The following JMJD1C variants were observed in gnomAD, a reference collection of about 807,000 sequenced individuals.
JMJD1C encodes jumonji domain containing 1C, also known as jumonji domain-containing protein 1C.
JMJD1C carries 31 observed loss-of-function variants against 245.3 expected under a neutral mutation model. The ratio of observed to expected loss-of-function variants is 0.13; its 90% CI spans 0.09 to 0.17. The LOEUF is 0.17. JMJD1C is among the 10% of genes least tolerant of loss of function. The pLI is 1.00. For missense variants in JMJD1C, 2,691 were observed against 3,000.2 expected (o/e 0.90, Z 2.41); for synonymous variants, 1,057 against 1,017.4 (o/e 1.04, Z -0.74).
chr10:63,370,821 T>C (rs898281582), intron 2 of JMJD1C, among the ~76,000 whole-genome samples: 23 of 152,196 alleles, frequency 1.5e-4, no homozygotes, highest in African/African-American at 5.6e-4. Flanking sequence ...AATAACTCAT[T>C]TGAAGAAGAC....
chr10:63,433,971 A>G (rs746412188), intron 1 of JMJD1C, among the ~76,000 whole-genome samples: 17 of 152,188 alleles, frequency 1.1e-4, no homozygotes, highest in Non-Finnish European at 2.5e-4. Context: ...ACTAGGAATC[A>G]TTTCAGTTAC....
rs960342759 is a variant in JMJD1C at position 63,269,102 on chromosome 10, G to T, written c.334-4338C>A. 5 of 985,312 alleles carry T rather than the reference G, an allele frequency of 5.1e-6. No homozygotes were observed. The African/African-American group carries it at 8.7e-5, about 17-fold the overall frequency. 61.0% of individuals were successfully genotyped at this position (985,312 alleles called of 1,614,324 possible). Reference sequence around the variant, plus strand: ...TCGAGGTCGCTTACATAACCAGTAAGATACTCCAAATAAAGAGAACAGCCA... The same window carrying T: ...TCGAGGTCGCTTACATAACCAGTAATATACTCCAAATAAAGAGAACAGCCA... On this transcript the variant is annotated intron_variant, in intron 2 of 25. Coordinates refer to ENST00000399262, the MANE Select transcript of JMJD1C (RefSeq NM_032776.3).
At chr10:63,496,072 C>T (rs982303412) in intron 1 of JMJD1C, among the ~76,000 whole-genome samples, 1 of 146,160 alleles carries the variant, frequency 6.8e-6, no homozygotes, top group Admixed American at 6.8e-5. Context: ...AAACCTCAAA[C>T]CTAAATATGA....
intron 1 of JMJD1C, among the ~76,000 whole-genome samples, chr10:63,392,141 TA>T (rs1397970989): frequency 6.6e-6 from 1 of 152,194 alleles, no homozygotes; most frequent in Non-Finnish European, 1.5e-5. Flanking sequence ...ACCATTTTGA[TA>T]ATTGGTATGT....
intron 2 of JMJD1C, among the ~76,000 whole-genome samples, chr10:63,333,344 T>C (rs1207724440): frequency 2.0e-5 from 3 of 151,990 alleles, no homozygotes; most frequent in Non-Finnish European, 2.9e-5. Flanking sequence ...CCCTTGAACT[T>C]AGGAGTTGGA....
chr10:63,367,456 G>T (rs1945945998), intron 2 of JMJD1C, among the ~76,000 whole-genome samples: 1 of 151,908 alleles, frequency 6.6e-6, no homozygotes, highest in Non-Finnish European at 1.5e-5. Context: ...ATGTTGGTCG[G>T]GCTGGTCTCA....
At chr10:63,330,475 T>C (rs1424609207) in intron 2 of JMJD1C, among the ~76,000 whole-genome samples, 1 of 152,198 alleles carries the variant, frequency 6.6e-6, no homozygotes, top group Non-Finnish European at 1.5e-5. Flanking sequence ...TATTCATGAT[T>C]TTAAATTTTA....
At chr10:63,277,171 G>A (rs923542198) in intron 2 of JMJD1C, among the ~76,000 whole-genome samples, 7 of 151,692 alleles carry the variant, frequency 4.6e-5, no homozygotes, top group East Asian at 1.9e-4. Flanking sequence ...ATGAGCCACC[G>A]TGCCTGGCCA....
At chr10:63,229,568 T>C (rs983566998) in intron 3 of JMJD1C, among the ~76,000 whole-genome samples, 6 of 152,046 alleles carry the variant, frequency 3.9e-5, no homozygotes, top group African/African-American at 1.4e-4. Flanking sequence ...TGCAACTAGA[T>C]GAGACAAATT....
chr10:63,474,371 A>G (rs1953593047), intron 1 of JMJD1C, among the ~76,000 whole-genome samples: 1 of 152,212 alleles, frequency 6.6e-6, no homozygotes, highest in African/African-American at 2.4e-5. Context: ...GTGTTTTAGG[A>G]TGAGAGAGAT....
At chr10:63,300,428 T>A (rs1263101680) in intron 2 of JMJD1C, among the ~76,000 whole-genome samples, 1 of 152,238 alleles carries the variant, frequency 6.6e-6, no homozygotes, top group African/African-American at 2.4e-5. Context: ...GGAAATGGTA[T>A]TATTGTTTCA....
chr10:63,231,408 A>C (rs1849971221), intron 3 of JMJD1C, among the ~76,000 whole-genome samples: 1 of 152,158 alleles, frequency 6.6e-6, no homozygotes, highest in African/African-American at 2.4e-5. Flanking sequence ...ACAATCAAAA[A>C]CACTGATTAG....
At chr10:63,288,268 G>A (rs764150698) in intron 2 of JMJD1C, among the ~76,000 whole-genome samples, 1 of 152,054 alleles carries the variant, frequency 6.6e-6, no homozygotes, top group Non-Finnish European at 1.5e-5. Context: ...TTTTCAGATT[G>A]GCTTCTCTCA....
At chr10:63,353,695 T>C (rs904497433) in intron 2 of JMJD1C, among the ~76,000 whole-genome samples, 4 of 151,792 alleles carry the variant, frequency 2.6e-5, no homozygotes, top group African/African-American at 7.3e-5. Context: ...TTAGTAGAGA[T>C]GGGGTTTAAC....
At chr10:63,495,766 A>G (rs1361359625) in intron 1 of JMJD1C, among the ~76,000 whole-genome samples, 1 of 151,762 alleles carries the variant, frequency 6.6e-6, no homozygotes, top group African/African-American at 2.4e-5. Flanking sequence ...AAAAAAAAAA[A>G]AAGAAGAAGA....
At chr10:63,372,732 G>A (rs913096037) in intron 2 of JMJD1C, among the ~76,000 whole-genome samples, 2 of 152,204 alleles carry the variant, frequency 1.3e-5, no homozygotes, top group African/African-American at 4.8e-5. Context: ...ACTAAGACAT[G>A]ACTCCTGTCC....
At chr10:63,361,474 T>G (rs1211824801) in intron 2 of JMJD1C, among the ~76,000 whole-genome samples, 1 of 152,090 alleles carries the variant, frequency 6.6e-6, no homozygotes, top group African/African-American at 2.4e-5. Context: ...CTTGTATACC[T>G]AGAACTTGGT....
intron 3 of JMJD1C, among the ~76,000 whole-genome samples, chr10:63,253,653 T>C (rs1320073377): frequency 6.6e-6 from 1 of 152,136 alleles, no homozygotes; most frequent in African/African-American, 2.4e-5. Flanking sequence ...CCCCAAGTGC[T>C]GGGATTACAG....
At chr10:63,427,537 C>T (rs1950513634) in intron 1 of JMJD1C, 3 of 1,380,862 alleles carry the variant, frequency 2.2e-6, no homozygotes, top group African/African-American at 1.4e-5. Flanking sequence ...AGTGTACATC[C>T]TGGAGGACTC....
Sources: gnomAD v4.1 joint callset for allele counts (sites outside exome capture counted in the v4.1 genomes callset) on GRCh38, gnomAD v4.1.1 for gene constraint, MANE v1.5 for transcripts, NCBI Gene and HGNC (gene_info 2026-07-23, HGNC 2026-07-21) for gene names.